Variants in MYRF observed in about 807,000 individuals in gnomAD.
MYRF encodes the protein myelin regulatory factor, also known as myelin gene regulatory factor.
MYRF carries 16 observed loss-of-function variants against 126.3 expected under a neutral mutation model. The observed-to-expected ratio is 0.13, with a 90% CI of 0.09 to 0.19. MYRF has a LOEUF of 0.19. Ranked by LOEUF, MYRF falls within the 10% of genes least tolerant of loss-of-function variation. The pLI is 1.00. For synonymous variants in MYRF, 608 were observed against 635.3 expected, an observed-to-expected ratio of 0.96 and a Z score of 0.65; for missense variants, 1,104 against 1,547.0, an observed-to-expected ratio of 0.71 and a Z score of 4.80.
chr11:61,779,689 G>A (rs781524429), intron 16 of MYRF, 119 bp downstream of exon 16: 3 of 1,226,098 alleles, frequency 2.4e-6, no homozygotes, highest in Non-Finnish European at 2.3e-6. Flanking sequence ...TTGTGACTCT[G>A]TAGCCCTCCC....
Position 61,776,955 on chromosome 11 carries a change from C to T in MYRF, c.1590+78C>T. ...AACAGCAAGCAGAAGTACCCGGGTA[C>T]TGAGAGTCAGGAGTGGGCATGCTCA... On this transcript the variant is annotated intron_variant, in intron 11 of 26. Coordinates refer to ENST00000278836, the MANE Select transcript of MYRF (RefSeq NM_001127392.3). The surrounding 1 kb of genome is among the most constrained non-coding windows in gnomAD (Gnocchi z 4.3). 1 of 1,265,864 alleles carries T rather than the reference C, an allele frequency of 7.9e-7. No individual in the cohort carries two copies. Among genetic ancestry groups the T allele is most frequent in the Non-Finnish European group, 1.1e-6 (1 of 917,910 alleles). 78.4% of individuals were successfully genotyped at this position (1,265,864 alleles called of 1,614,324 possible).
At position 61,778,307 on chromosome 11, in the gene MYRF, A is replaced by G. The variant is rs1305168967; in HGVS notation, c.1904-73A>G. 14 of 1,003,172 alleles carry G rather than the reference A, an allele frequency of 1.4e-5. No individual in the cohort carries two copies. The Admixed American group carries it at 2.4e-4, about 17-fold the overall frequency. 62.1% of individuals were successfully genotyped at this position (1,003,172 alleles called of 1,614,324 possible). A position where few individuals can be genotyped will look rare whatever the true frequency, so the allele number is the denominator to read the frequency against. ...CTTCACCCTCTCCAGTCTTGCTCCC[A>G]CTGTACATTACAAAGCTGTGAGTAG... is the stretch of plus-strand genomic sequence containing the variant. On this transcript the variant is annotated intron_variant, in intron 13 of 26. Coordinates refer to ENST00000278836, the MANE Select transcript of MYRF (RefSeq NM_001127392.3). The surrounding 1 kb of genome is among the most constrained non-coding windows in gnomAD (Gnocchi z 4.6).
intron 25 of MYRF, 134 bp from the exon 26 acceptor site, chr11:61,785,666 A>C (rs1308378472): frequency 2.9e-6 from 2 of 692,866 alleles, no homozygotes; most frequent in African/African-American, 1.8e-5. Flanking sequence ...GCTCCTTCCT[A>C]TCTCTTCAAA....
rs991803986 is a variant in MYRF, at chr11:61,757,382, G to A, written c.46+4592G>A. 4.0e-5 allele frequency: 18 copies of A among 453,022 alleles called. No homozygotes were observed. Among genetic ancestry groups the A allele is most frequent in the African/African-American group, 2.4e-4 (12 of 50,008 alleles). The allele number at this position is 453,022 out of a possible 1,614,324, so 28.1% of individuals were successfully genotyped here. A position where few individuals can be genotyped will look rare whatever the true frequency, so the allele number is the denominator to read the frequency against. ...TTCTCATCTGTAAAACGGGAGTGCA[G>A]TTGTAATGGCAGGGCCTCCGTCCCA... On this transcript the variant is annotated intron_variant, in intron 1 of 26. Transcript: ENST00000278836. The surrounding 1 kb of genome is among the most constrained non-coding windows in gnomAD (Gnocchi z 4.7).
At chr11:61,753,066 C>T (rs2065650658) in intron 1 of MYRF, among the ~76,000 whole-genome samples, 1 of 152,090 alleles carries the variant, frequency 6.6e-6, no homozygotes, top group Non-Finnish European at 1.5e-5. Context: ...TTGAGCCTTC[C>T]AGGACCCGGA....
chr11:61,783,509 G>C lies in MYRF; in HGVS notation c.3028G>C (p.Ala1010Pro). Residue 1010 changes from alanine (A) to proline (P), a missense_variant, in exon 23 of 27, where the codon GCA becomes CCA. Physicochemically the swap from Ala to Pro is conservative, Grantham distance 27 (BLOSUM62 -1). This residue lies in a region of MYRF where 323 missense variants were observed against 383.1 expected (regional missense o/e 0.84). Transcript: ENST00000278836. This position sits in a 1 kb window ranked among gnomAD's most constrained non-coding sequence, Gnocchi z 4.6. ...WAQGQSASLL[A>P]EPVPSLTSIQ... ...TCCTGCCCCAACAGCCTCTCTCCTT[G>C]CAGAGCCAGTGCCCTCCCTGACCTC... is the stretch of plus-strand genomic sequence containing the variant. 3 of 1,613,562 alleles carry C rather than the reference G, an allele frequency of 1.9e-6. No individual in the cohort carries two copies. The highest frequency in any genetic ancestry group is 2.5e-6 in the Non-Finnish European group (3 of 1,179,888).
chr11:61,784,559 C>T lies in MYRF; in HGVS notation c.3300+174C>T, dbSNP rs1048945022. 61 of 600,876 alleles carry T rather than the reference C, an allele frequency of 1.0e-4. 1 individual carries two copies. The highest frequency in any genetic ancestry group is 3.0e-4 in the Admixed American group (10 of 33,764). The allele number at this position is 600,876 out of a possible 1,614,324, so 37.2% of individuals were successfully genotyped here. ...TGTCCCAGGGAGGGGCACGCGTGCC[C>T]GTGTTTGTTCATTGCACTCTGCTGA... is the stretch of plus-strand genomic sequence containing the variant. On this transcript the variant is annotated intron_variant, in intron 25 of 26. Coordinates refer to ENST00000278836, the MANE Select transcript of MYRF (RefSeq NM_001127392.3).
Position 61,776,344 on chromosome 11 carries a change from G to A in MYRF, c.1411G>A (p.Val471Ile). 1 of 1,613,198 alleles carries A rather than the reference G, an allele frequency of 6.2e-7. No individual in the cohort carries two copies. Among genetic ancestry groups the A allele is most frequent in the Non-Finnish European group, 8.5e-7 (1 of 1,179,812 alleles). Residue 471 changes from valine to isoleucine, a missense_variant, in exon 10 of 27, where the codon GTC becomes ATC. Coordinates refer to ENST00000278836, the MANE Select transcript of MYRF (RefSeq NM_001127392.3). This position sits in a 1 kb window ranked among gnomAD's most constrained non-coding sequence, Gnocchi z 4.3. ...PVTVNLPPEQ[V>I]TKVTVGRLHF... ...CAGGGTCAATCTGCCCCCTGAGCAG[G>A]TCACGAAGGTGACTGTGGGGCGGCT... is the stretch of plus-strand genomic sequence containing the variant.
Position 61,777,576 on chromosome 11 carries a change from G to A in MYRF, c.1791+112G>A. 1 of 1,393,596 alleles carries A rather than the reference G, an allele frequency of 7.2e-7. No individual in the cohort carries two copies. The highest frequency in any genetic ancestry group is 1.4e-5 in the African/African-American group (1 of 70,036). The allele number at this position is 1,393,596 out of a possible 1,614,324, so 86.3% of individuals were successfully genotyped here. On this transcript the variant is annotated intron_variant, in intron 12 of 26. Coordinates refer to ENST00000278836, the MANE Select transcript of MYRF (RefSeq NM_001127392.3). This position sits in a 1 kb window ranked among gnomAD's most constrained non-coding sequence, Gnocchi z 8.8. ...GCGGAAAGGCGGAGCTGCGGGGGAA[G>A]GAAGGGAGGGAGGCTGGCCTCGAAT...
intron 1 of MYRF, among the ~76,000 whole-genome samples, chr11:61,764,817 A>G (rs1379995328): frequency 6.6e-6 from 1 of 152,164 alleles, no homozygotes; most frequent in Non-Finnish European, 1.5e-5. Context: ...GGGCCAGCGC[A>G]GAGGGCCCAG....
At position 61,788,339 on chromosome 11, in the gene MYRF, C is replaced by T. The variant is rs1264449703; in HGVS notation, c.*2196C>T. On this transcript the variant is annotated 3_prime_UTR_variant, in exon 27 of 27. Coordinates refer to ENST00000278836, the MANE Select transcript of MYRF (RefSeq NM_001127392.3). The stretch of plus-strand genomic sequence containing the variant: ...GTGTGCATAGAGCGCCCCCTACTTC[C>T]CAGTTAACTCCCAGTTCTTCTCCCT... 1.3e-5 allele frequency: 2 copies of T among 152,370 alleles called. No homozygotes were observed. Among genetic ancestry groups the T allele is most frequent in the Non-Finnish European group, 2.9e-5 (2 of 68,098 alleles). 9.4% of individuals were successfully genotyped at this position (152,370 alleles called of 1,614,324 possible).
At chr11:61,755,411 C>T (rs1591069565) in intron 1 of MYRF, 1 of 1,609,210 alleles carries the variant, frequency 6.2e-7, no homozygotes, top group East Asian at 2.2e-5. Context: ...AGAGAGGGGA[C>T]CCACCGGGCA....
Position 61,777,152 on chromosome 11 carries a change from G to T in MYRF, c.1591-112G>T. On this transcript the variant is annotated intron_variant, in intron 11 of 26. Transcript: ENST00000278836. This position sits in a 1 kb window ranked among gnomAD's most constrained non-coding sequence, Gnocchi z 8.8. ...CAGTTCAAGTTGGGCTTGGTGCAGT[G>T]AGAAACCCTGGCTGGAAGGGGAGGG... 1 of 1,193,432 alleles carries T rather than the reference G, an allele frequency of 8.4e-7. No individual in the cohort carries two copies. The highest frequency in any genetic ancestry group is 1.2e-6 in the Non-Finnish European group (1 of 847,586). The allele number at this position is 1,193,432 out of a possible 1,614,324, so 73.9% of individuals were successfully genotyped here.
chr11:61,762,907 C>T (rs549664505), intron 1 of MYRF, among the ~76,000 whole-genome samples: 1 of 152,142 alleles, frequency 6.6e-6, no homozygotes, highest in Non-Finnish European at 1.5e-5. Flanking sequence ...ACGGGAGGGT[C>T]CCTCCTCCCC....
intron 1 of MYRF, among the ~76,000 whole-genome samples, chr11:61,763,039 G>A (rs1395717012): frequency 6.6e-6 from 1 of 152,168 alleles, no homozygotes; most frequent in Middle Eastern, 3.2e-3. Flanking sequence ...GGAGAGGAGG[G>A]GGCTGGGTCT....
chr11:61,781,193 G>A lies in MYRF; in HGVS notation c.2628G>A (p.Met876Ile), dbSNP rs1013706929. Residue 876 changes from methionine to isoleucine, a missense_variant, in exon 21 of 27, where the codon ATG (methionine) becomes ATA (isoleucine). Coordinates refer to ENST00000278836, the MANE Select transcript of MYRF (RefSeq NM_001127392.3). ...GTTCTGCTGTCCGCACCTTGGACATGTGTTCCAGCCACCCCTGCCCTGTCA... is the reference window on the plus strand; with the variant it reads ...GTTCTGCTGTCCGCACCTTGGACATATGTTCCAGCCACCCCTGCCCTGTCA... ...APGSAVRTLD[M>I]CSSHPCPVIC... The A allele has an allele frequency of 1.9e-6, 3 of 1,614,028 alleles. No individual in the cohort carries two copies. Among genetic ancestry groups the A allele is most frequent in the African/African-American group, 1.3e-5 (1 of 75,050 alleles).
At chr11:61,755,260 G>C (rs2065715522) in intron 1 of MYRF, 1 of 1,026,178 alleles carries the variant, frequency 9.7e-7, no homozygotes, top group South Asian at 1.5e-5. Context: ...GGTGGGCTGG[G>C]GGCTAAGGCG....
intron 1 of MYRF, among the ~76,000 whole-genome samples, chr11:61,753,822 G>A (rs1201645614): frequency 1.3e-5 from 2 of 152,238 alleles, no homozygotes; most frequent in Non-Finnish European, 2.9e-5. Flanking sequence ...TCCTCCTGGT[G>A]CTGGGTTCTG....
chr11:61,770,129 G>A, intron 4 of MYRF, 117 bp from the exon 5 acceptor site: 1 of 1,057,054 alleles, frequency 9.5e-7, no homozygotes, highest in African/African-American at 1.6e-5. Flanking sequence ...GTGGGGGGCA[G>A]CCCCCGGGCT....
Sources: allele counts gnomAD v4.1 joint callset (sites outside exome capture counted in the v4.1 genomes callset), GRCh38; gene constraint gnomAD v4.1.1; regional missense constraint gnomAD v4.1.1; non-coding constraint Gnocchi (gnomAD v3.1); transcripts MANE v1.5; gene names NCBI Gene and HGNC (gene_info 2026-07-23, HGNC 2026-07-21).